Variants in ULK4 observed in about 807,000 individuals in gnomAD.
ULK4 encodes the protein inactive serine/threonine-protein kinase ULK4.
In ULK4, 133 loss-of-function variants were observed where a neutral mutation model predicts 160.6. The observed-to-expected ratio is 0.83, with a 90% CI of 0.72 to 0.96. ULK4 has a LOEUF of 0.96. Ranked by LOEUF, ULK4 falls within the 40% of genes least tolerant of loss-of-function variation. The pLI is 0.00. For synonymous variants in ULK4, 534 were observed against 539.8 expected, an observed-to-expected ratio of 0.99 and a Z score of 0.15; for missense variants, 1,580 against 1,499.5, an observed-to-expected ratio of 1.05 and a Z score of -0.89.
Position 41,931,976 on chromosome 3 carries a change from A to G in ULK4, c.409T>C (p.Phe137Leu). ...ILLEGPGTLKFSNFCLAKVEG... is the reference protein window; with the variant it reads ...ILLEGPGTLKLSNFCLAKVEG... The stretch of plus-strand genomic sequence containing the variant: ...ACTTTTGCCAAGCAAAAGTTGCTAA[A>G]CTTCAGTGTGCCAGGCCCTTCCAAG... Residue 137 changes from phenylalanine to leucine, a missense_variant, in exon 5 of 37, where the codon TTT becomes CTT. Coordinates refer to ENST00000301831, the MANE Select transcript of ULK4 (RefSeq NM_017886.4). The G allele has an allele frequency of 6.2e-7, 1 of 1,613,900 alleles. No individual in the cohort carries two copies. Among genetic ancestry groups the G allele is most frequent in the Non-Finnish European group, 8.5e-7 (1 of 1,179,954 alleles).
At chr3:41,401,317 G>T (rs112674489) in intron 34 of ULK4, among the ~76,000 whole-genome samples, 25 of 152,182 alleles carry the variant, frequency 1.6e-4, no homozygotes, top group African/African-American at 5.5e-4. Flanking sequence ...TAAAATATGA[G>T]ATTTAGGTAA....
chr3:41,915,961 G>T lies in ULK4; in HGVS notation c.803+16C>A, dbSNP rs562604595. 10 of 1,552,930 alleles carry T rather than the reference G, an allele frequency of 6.4e-6. No individual in the cohort carries two copies. Among genetic ancestry groups the T allele is most frequent in the Admixed American group, 4.3e-5 (2 of 46,774 alleles). ...CTCAAAAGAAAAAGAAAAAAAGATCGAACTACTGTCCCTACCTTTTCTGAG... is the reference window on the plus strand; with the variant it reads ...CTCAAAAGAAAAAGAAAAAAAGATCTAACTACTGTCCCTACCTTTTCTGAG... On this transcript the variant is annotated intron_variant, in intron 8 of 36. Transcript: ENST00000301831.
At chr3:41,822,377 AT>A (rs796726511) in intron 18 of ULK4, among the ~76,000 whole-genome samples, 2 of 151,888 alleles carry the variant, frequency 1.3e-5, no homozygotes, top group Non-Finnish European at 2.9e-5. Flanking sequence ...GAAGACTGAG[AT>A]TTTTTTTGTT....
chr3:41,277,299 A>G (rs2079245402), intron 35 of ULK4, among the ~76,000 whole-genome samples: 1 of 152,202 alleles, frequency 6.6e-6, no homozygotes, highest in Admixed American at 6.5e-5. Context: ...CATAACCAAA[A>G]AAGAAAACTA....
chr3:41,575,865 TTCCA>T (rs67682718), intron 31 of ULK4, among the ~76,000 whole-genome samples: 135,350 of 151,940 alleles, frequency 0.89, 60,903 homozygotes, highest in Middle Eastern at 0.95. Flanking sequence ...AGCAGGAAGC[TTCCA>T]TCCATCCTCT....
At chr3:41,418,277 T>C (rs1451375776) in intron 34 of ULK4, among the ~76,000 whole-genome samples, 4 of 148,834 alleles carry the variant, frequency 2.7e-5, no homozygotes, top group South Asian at 2.2e-4. Context: ...AAACAGTCAA[T>C]TGACACATAG....
At chr3:41,760,500 T>G (rs2038951030) in intron 21 of ULK4, among the ~76,000 whole-genome samples, 1 of 152,158 alleles carries the variant, frequency 6.6e-6, no homozygotes, top group African/African-American at 2.4e-5. Flanking sequence ...TAATACAGAT[T>G]AAGTATCCCA....
rs1046575233 is a variant in ULK4 at position 41,754,442 on chromosome 3, C to T, written c.2240G>A (p.Cys747Tyr). Residue 747 changes from cysteine (C) to tyrosine (Y), a missense_variant, in exon 22 of 37, where the codon TGC becomes TAC. Physicochemically the swap from Cys to Tyr is radical, Grantham distance 194 (BLOSUM62 -2). Transcript: ENST00000301831. ...IIRLLDSPST[C>Y]IRAKAFLVLL... is the part of the protein sequence containing the mutation. ...AACCAGGAAGGCTTTTGCTCTAATG[C>T]ATGTTGAGGGGCTGTCAAGTAAACG... The T allele has an allele frequency of 6.2e-7, 1 of 1,613,590 alleles. No individual in the cohort carries two copies. Among genetic ancestry groups the T allele is most frequent in the Non-Finnish European group, 8.5e-7 (1 of 1,179,790 alleles).
chr3:41,681,567 C>A lies in ULK4; in HGVS notation c.2919G>T (p.Lys973Asn). 6.2e-7 allele frequency: 1 copy of A among 1,614,020 alleles called. No homozygotes were observed. Among genetic ancestry groups the A allele is most frequent in the Middle Eastern group, 1.7e-4 (1 of 6,060 alleles). ...GATTGCTGTCAGAATCAACACTGGC[C>A]TTCTCCTTGCCATCCCCAAACTCCT... Reference protein sequence around the residue: ...VNQEFGDGKEKASVDSDSNLL... With the variant: ...VNQEFGDGKENASVDSDSNLL... The change falls in exon 29 of 37, where the codon AAG becomes AAT. Residue 973 changes from lysine (K) to asparagine (N), a missense_variant. Physicochemically the swap from Lys to Asn is moderately conservative, Grantham distance 94. Transcript: ENST00000301831.
At chr3:41,301,598 G>A (rs9826113) in intron 35 of ULK4, among the ~76,000 whole-genome samples, 23,614 of 152,144 alleles carry the variant, frequency 0.16, 2,197 homozygotes, top group African/African-American at 0.25. Context: ...GCTACGTTTA[G>A]AGTATTACAA....
intron 35 of ULK4, among the ~76,000 whole-genome samples, chr3:41,252,473 CATA>C (rs930806267): frequency 1.3e-5 from 2 of 151,610 alleles, no homozygotes; most frequent in South Asian, 2.1e-4. Context: ...TAACTAAAAA[CATA>C]ATAACCACAA....
chr3:41,716,084 G>A (rs2037255320), intron 23 of ULK4, among the ~76,000 whole-genome samples: 1 of 151,222 alleles, frequency 6.6e-6, no homozygotes, highest in Non-Finnish European at 1.5e-5. Context: ...ATGATGGTGT[G>A]CGCCTGTAGT....
intron 21 of ULK4, among the ~76,000 whole-genome samples, chr3:41,760,604 AT>A (rs1313879509): frequency 1.3e-5 from 2 of 152,210 alleles, no homozygotes; most frequent in East Asian, 3.8e-4. Flanking sequence ...TAAGTACTTA[AT>A]ACAAACTTTG....
chr3:41,306,847 C>T (rs2125716427), intron 35 of ULK4, among the ~76,000 whole-genome samples: 1 of 151,624 alleles, frequency 6.6e-6, no homozygotes. Flanking sequence ...GTGACCTTAC[C>T]CCCAACCCTG....
At chr3:41,567,742 C>T (rs557391830) in intron 31 of ULK4, among the ~76,000 whole-genome samples, 3 of 152,158 alleles carry the variant, frequency 2.0e-5, no homozygotes, top group South Asian at 4.2e-4. Context: ...GGATTACAGG[C>T]GTGAGCCACC....
rs556732973 is a variant in ULK4 at position 41,875,800 on chromosome 3, A to C, written c.1656+8074T>G. Among the ~76,000 whole-genome samples, 3 of 152,222 alleles carry C rather than the reference A, an allele frequency of 2.0e-5. No individual in the cohort carries two copies. In the East Asian group the frequency reaches 5.8e-4, roughly 29 times the overall value. On this transcript the variant is annotated intron_variant, in intron 17 of 36. Coordinates refer to ENST00000301831, the MANE Select transcript of ULK4 (RefSeq NM_017886.4). ...TTATTGCATACATCACATGAGAGCT[A>C]AAGTGGCACTGCAAAGGAAAAGATG...
chr3:41,687,167 G>A (rs941223000), intron 27 of ULK4, among the ~76,000 whole-genome samples: 2 of 152,128 alleles, frequency 1.3e-5, no homozygotes, highest in Non-Finnish European at 2.9e-5. Flanking sequence ...GAGGTCAAGA[G>A]ATCAAGACCA....
intron 2 of ULK4, among the ~76,000 whole-genome samples, chr3:41,948,537 T>TGA (rs2148838276): frequency 6.6e-6 from 1 of 152,062 alleles, no homozygotes; most frequent in South Asian, 2.1e-4. Context: ...GTCAACAAAA[T>TGA]GCAAGCAAAT....
At chr3:41,743,920 A>T (rs1169689479) in intron 22 of ULK4, among the ~76,000 whole-genome samples, 1 of 151,904 alleles carries the variant, frequency 6.6e-6, no homozygotes, top group Admixed American at 6.5e-5. Flanking sequence ...AAGTAGGGAT[A>T]GTAAAGGGAA....
Sources: allele counts gnomAD v4.1 joint callset (sites outside exome capture counted in the v4.1 genomes callset), GRCh38; gene constraint gnomAD v4.1.1; transcripts MANE v1.5; gene names NCBI Gene and HGNC (gene_info 2026-07-23, HGNC 2026-07-21).